DPP10: variants seen among roughly 807,000 people sequenced by gnomAD.
DPP10 encodes dipeptidyl peptidase like 10.
DPP10 carries 33 observed loss-of-function variants against 120.9 expected under a neutral mutation model. The ratio of observed to expected loss-of-function variants is 0.27; its 90% CI spans 0.21 to 0.37. The LOEUF (loss-of-function observed/expected upper bound fraction) is 0.37, where lower values mean the gene tolerates loss of function less well. Ranked by LOEUF, DPP10 falls within the 10% of genes least tolerant of loss-of-function variation. The pLI, the probability that DPP10 is intolerant of heterozygous loss-of-function variation, is 1.00. For missense variants in DPP10, 816 were observed against 942.8 expected (o/e 0.87, Z 1.76); for synonymous variants, 337 against 326.1 (o/e 1.03, Z -0.36).
At chr2:115,377,337 G>A (rs554318451) in intron 3 of DPP10, among the ~76,000 whole-genome samples, 2 of 152,228 alleles carry the variant, frequency 1.3e-5, no homozygotes, top group South Asian at 4.2e-4. Context: ...TTTTTTGGCT[G>A]CATAAATGTC....
chr2:114,520,346 C>T (rs1389933307), intron 1 of DPP10, among the ~76,000 whole-genome samples: 1 of 152,184 alleles, frequency 6.6e-6, no homozygotes, highest in Non-Finnish European at 1.5e-5. Context: ...AAGTAAAATA[C>T]AGATGACCCT....
intron 19 of DPP10, among the ~76,000 whole-genome samples, chr2:115,801,043 G>A (rs543045626): frequency 8.5e-5 from 13 of 152,178 alleles, no homozygotes; most frequent in East Asian, 3.9e-4. Flanking sequence ...CCATTTTCAC[G>A]ATATTGATTC....
rs575125143 is a variant in DPP10, at chr2:115,004,907, T to C, written c.61-304332T>C. Among the ~76,000 whole-genome samples the C allele has an allele frequency of 1.3e-3, 196 of 152,182 alleles. 6 individuals are homozygous for C. The South Asian group carries it at 0.039, about 30-fold the overall frequency. On this transcript the variant is annotated intron_variant, in intron 1 of 25. Coordinates refer to ENST00000410059, the MANE Select transcript of DPP10 (RefSeq NM_020868.6). ...TGCCTGCCTGTGTAGGCTCCACCTC[T>C]GGGGGCAGGGCACAGACAAACAAAA...
intron 21 of DPP10, among the ~76,000 whole-genome samples, chr2:115,817,417 G>A (rs932656203): frequency 9.9e-5 from 15 of 152,196 alleles, no homozygotes; most frequent in Non-Finnish European, 1.8e-4. Context: ...TAATTGGGGC[G>A]TAAATTTTAG....
chr2:115,162,404 C>G (rs1471699051), intron 1 of DPP10: 1 of 1,266,856 alleles, frequency 7.9e-7, no homozygotes, highest in Admixed American at 3.3e-5. Context: ...GCGCTCCTGA[C>G]GGCCGCTCAC....
At chr2:114,675,229 T>G (rs1698594204) in intron 1 of DPP10, among the ~76,000 whole-genome samples, 1 of 152,168 alleles carries the variant, frequency 6.6e-6, no homozygotes, top group Non-Finnish European at 1.5e-5. Flanking sequence ...CAGCATCACT[T>G]TTATGAAATC....
intron 1 of DPP10, among the ~76,000 whole-genome samples, chr2:114,975,042 CTTT>C (rs757024790): frequency 2.8e-5 from 4 of 141,124 alleles, no homozygotes; most frequent in Admixed American, 7.1e-5. Context: ...GAAGGATTTG[CTTT>C]TTTTTTTTTT....
chr2:115,009,546 T>C (rs189774015), intron 1 of DPP10, among the ~76,000 whole-genome samples: 223 of 149,686 alleles, frequency 1.5e-3, no homozygotes, highest in African/African-American at 4.9e-3. Flanking sequence ...ACCTGCACAA[T>C]GTGCACATGT....
chr2:115,571,117 G>A (rs1207797762), intron 5 of DPP10, among the ~76,000 whole-genome samples: 2 of 152,188 alleles, frequency 1.3e-5, no homozygotes, highest in African/African-American at 2.4e-5. Context: ...TACTGGACTC[G>A]ATAAGGAAGC....
At chr2:115,296,597 T>C (rs1385187245) in intron 1 of DPP10, among the ~76,000 whole-genome samples, 1 of 152,108 alleles carries the variant, frequency 6.6e-6, no homozygotes, top group East Asian at 1.9e-4. Context: ...ACGGCCAGGA[T>C]AGATTTGATC....
chr2:114,983,558 T>C (rs1310413797), intron 1 of DPP10, among the ~76,000 whole-genome samples: 1 of 152,166 alleles, frequency 6.6e-6, no homozygotes, highest in Non-Finnish European at 1.5e-5. Flanking sequence ...ATAATATAAA[T>C]TGCATTCCCC....
At chr2:115,610,700 A>G (rs1217191643) in intron 5 of DPP10, among the ~76,000 whole-genome samples, 1 of 152,122 alleles carries the variant, frequency 6.6e-6, no homozygotes, top group Non-Finnish European at 1.5e-5. Flanking sequence ...TTACTTTGTT[A>G]TTATTGTAAG....
intron 1 of DPP10, among the ~76,000 whole-genome samples, chr2:115,215,520 G>A (rs1320868884): frequency 6.6e-6 from 1 of 152,036 alleles, no homozygotes; most frequent in African/African-American, 2.4e-5. Context: ...TACAGAAGTG[G>A]GCAAAGATGT....
intron 1 of DPP10, among the ~76,000 whole-genome samples, chr2:114,589,545 C>G (rs770646129): frequency 6.6e-6 from 1 of 152,018 alleles, no homozygotes; most frequent in Admixed American, 6.5e-5. Context: ...TTAGTGGATA[C>G]GAGGAGTGAG....
chr2:114,773,203 A>G (rs1380749279), intron 1 of DPP10, among the ~76,000 whole-genome samples: 2 of 152,174 alleles, frequency 1.3e-5, no homozygotes, highest in Non-Finnish European at 2.9e-5. Flanking sequence ...TTTGCCAGTG[A>G]TTGGTAGTGG....
intron 1 of DPP10, among the ~76,000 whole-genome samples, chr2:114,616,792 A>G (rs781235657): frequency 2.6e-5 from 4 of 152,084 alleles, no homozygotes; most frequent in Non-Finnish European, 5.9e-5. Flanking sequence ...GTTTCTTGCC[A>G]GGCAGAGAGA....
At chr2:115,804,871 G>A (rs1213002085) in intron 19 of DPP10, among the ~76,000 whole-genome samples, 2 of 152,282 alleles carry the variant, frequency 1.3e-5, no homozygotes, top group African/African-American at 2.4e-5. Flanking sequence ...TAGGCTACTC[G>A]GGGGTCAGGG....
chr2:115,810,511 A>AT (rs1194444599), intron 19 of DPP10, among the ~76,000 whole-genome samples: 1 of 151,998 alleles, frequency 6.6e-6, no homozygotes, highest in Non-Finnish European at 1.5e-5. Context: ...GTTTTATTCC[A>AT]TTTTTTCTAT....
intron 2 of DPP10, among the ~76,000 whole-genome samples, chr2:115,318,359 T>A (rs1053989167): frequency 6.6e-6 from 1 of 152,146 alleles, no homozygotes; most frequent in East Asian, 1.9e-4. Context: ...AATCTGGAAG[T>A]GTGACTATTA....
Sources: allele counts gnomAD v4.1 joint callset (sites outside exome capture counted in the v4.1 genomes callset), GRCh38; gene constraint gnomAD v4.1.1; transcripts MANE v1.5; gene names NCBI Gene and HGNC (gene_info 2026-07-23, HGNC 2026-07-21).